PRKD3: variants seen among roughly 807,000 people sequenced by gnomAD.
The protein encoded by PRKD3 is serine/threonine-protein kinase D3.
In PRKD3, 47 loss-of-function variants were observed where a neutral mutation model predicts 99.2. The ratio of observed to expected loss-of-function variants is 0.47; its 90% CI spans 0.38 to 0.60. The LOEUF is 0.60. Ranked by LOEUF, PRKD3 falls within the 20% of genes least tolerant of loss-of-function variation. The probability of loss-of-function intolerance (pLI) is 0.00; values close to 1 mark genes in which losing one functional copy is unlikely to be tolerated. For synonymous variants in PRKD3, 392 were observed against 355.4 expected, an observed-to-expected ratio of 1.10 and a Z score of -1.16; for missense variants, 1,019 against 1,088.4, an observed-to-expected ratio of 0.94 and a Z score of 0.90.
chr2:37,291,718 C>G (rs1038790453), intron 3 of PRKD3, among the ~76,000 whole-genome samples: 2 of 152,022 alleles, frequency 1.3e-5, no homozygotes, highest in Admixed American at 6.5e-5. Context: ...ATGAGAGAAT[C>G]AGAAATATAA....
At chr2:37,277,361 G>C (rs955669863) in intron 9 of PRKD3, among the ~76,000 whole-genome samples, 1 of 152,088 alleles carries the variant, frequency 6.6e-6, no homozygotes, top group Non-Finnish European at 1.5e-5. Flanking sequence ...AGGCAGTCTA[G>C]CTCCAAAGTC....
chr2:37,282,428 A>G, intron 7 of PRKD3, 114 bp downstream of exon 7: 1 of 717,346 alleles, frequency 1.4e-6, no homozygotes, highest in Non-Finnish European at 2.4e-6. Context: ...AAATCAGAAG[A>G]AAATCTTTAA....
intron 14 of PRKD3, among the ~76,000 whole-genome samples, chr2:37,266,592 T>A (rs1668860269): frequency 6.6e-6 from 1 of 152,122 alleles, no homozygotes; most frequent in Non-Finnish European, 1.5e-5. Context: ...GTTCAAGCGA[T>A]TCTCCTGCCT....
intron 17 of PRKD3, among the ~76,000 whole-genome samples, chr2:37,255,969 G>A (rs1363698237): frequency 6.6e-6 from 1 of 152,090 alleles, no homozygotes; most frequent in Non-Finnish European, 1.5e-5. Context: ...AGCTGTGTTT[G>A]TGCACACTTC....
In PRKD3 at chr2:37,277,965, C is replaced by A. The variant is rs116096831; in HGVS notation, c.1197G>T (p.Pro399=). ...TGATGGATTGTACAACCCTCATTAG[C>A]GGAATATTATTGCTTGTTGATGGAC... The part of the protein sequence containing the change: ...TISPSTSNNI[P]LMRVVQSIKH... The change falls in exon 9 of 19, where the codon CCG becomes CCT. Residue 399 remains proline (P), a synonymous_variant. Coordinates refer to ENST00000234179, the MANE Select transcript of PRKD3 (RefSeq NM_005813.6). 63 of 1,607,068 alleles carry A rather than the reference C, an allele frequency of 3.9e-5. No homozygotes were observed. Among genetic ancestry groups the A allele is most frequent in the Non-Finnish European group, 5.0e-5 (59 of 1,175,666 alleles).
intron 1 of PRKD3, among the ~76,000 whole-genome samples, chr2:37,323,118 G>A (rs368470737): frequency 2.6e-5 from 4 of 151,380 alleles, no homozygotes; most frequent in Admixed American, 2.0e-4. Flanking sequence ...CTGTGTGTGT[G>A]GCAGTGTTTA....
At chr2:37,324,355 A>T (rs1439486262) in intron 1 of PRKD3, 2 of 375,150 alleles carry the variant, frequency 5.3e-6, no homozygotes, top group South Asian at 1.1e-4. Context: ...TCTCCAGCGG[A>T]GCGCGAACCC....
chr2:37,304,762 G>C (rs1251541022), intron 2 of PRKD3, among the ~76,000 whole-genome samples: 1 of 133,562 alleles, frequency 7.5e-6, no homozygotes, highest in Non-Finnish European at 1.6e-5. Flanking sequence ...AAAAAGAAAA[G>C]AAAAAAAAAA....
intron 5 of PRKD3, among the ~76,000 whole-genome samples, chr2:37,287,259 AAAAAAAAAG>A (rs1670154140): frequency 5.0e-5 from 7 of 139,358 alleles, no homozygotes; most frequent in African/African-American, 2.1e-4. Flanking sequence ...AAAAAAAAAA[AAAAAAAAAG>A]AAAAAGAAAA....
Position 37,272,422 on chromosome 2 carries a change from A to G in PRKD3, c.1662T>C (p.Ser554=), listed in dbSNP as rs1189123289. The G allele has an allele frequency of 1.2e-6, 2 of 1,605,618 alleles. No individual in the cohort carries two copies. Among genetic ancestry groups the G allele is most frequent in the African/African-American group, 2.7e-5 (2 of 74,314 alleles). ...PGQGKDHKDL[S]TSISVSNCQI... ...GACAATTAGATACAGAGATACTTGT[A>G]GACAAATCTTCTGTAAAATATAAAA... Residue 554 remains serine (S), a synonymous_variant, in exon 12 of 19, where the codon TCT becomes TCC. Transcript: ENST00000234179.
At chr2:37,258,854 C>G (rs1668182880) in intron 16 of PRKD3, among the ~76,000 whole-genome samples, 1 of 152,132 alleles carries the variant, frequency 6.6e-6, no homozygotes, top group Non-Finnish European at 1.5e-5. Context: ...TCTAAATGTA[C>G]ATGTTTCAAA....
At position 37,285,234 on chromosome 2, in the gene PRKD3, A is replaced by C. The variant is rs569977343; in HGVS notation, c.910+943T>G. ...ATTTTAGTTTTCACTCTACTGTGAA[A>C]AGTTTCTACTGTACAGCATTGCTGA... On this transcript the variant is annotated intron_variant, in intron 6 of 18. Coordinates refer to ENST00000234179, the MANE Select transcript of PRKD3 (RefSeq NM_005813.6). 1.4e-4 allele frequency among the ~76,000 whole-genome samples: 21 copies of C among 152,324 alleles called. No individual in the cohort carries two copies. In the South Asian group the frequency reaches 3.9e-3, roughly 29 times the overall value.
intron 2 of PRKD3, among the ~76,000 whole-genome samples, chr2:37,309,560 T>C (rs1045368646): frequency 2.6e-5 from 4 of 152,068 alleles, no homozygotes; most frequent in Non-Finnish European, 5.9e-5. Context: ...TAAAGAAGCA[T>C]ATTTGGCCAA....
Position 37,256,936 on chromosome 2 carries a change from A to G in PRKD3, c.2146-7T>C. On this transcript the variant is annotated splice_polypyrimidine_tract_variant and splice_region_variant and intron_variant, in intron 16 of 18. Transcript: ENST00000234179. ...CAAAGTCACACAGCTTCACCTGGAAATTGAAGGATGATGTTAATTTTGTAT... is the reference window on the plus strand; with the variant it reads ...CAAAGTCACACAGCTTCACCTGGAAGTTGAAGGATGATGTTAATTTTGTAT... The G allele has an allele frequency of 6.2e-7, 1 of 1,613,842 alleles. No homozygotes were observed. Among genetic ancestry groups the G allele is most frequent in the African/African-American group, 1.3e-5 (1 of 75,042 alleles).
chr2:37,286,620 G>A (rs10181140), intron 5 of PRKD3, among the ~76,000 whole-genome samples: 2 of 152,130 alleles, frequency 1.3e-5, no homozygotes, highest in Non-Finnish European at 2.9e-5. Flanking sequence ...ATTCACTGAT[G>A]ATTATTTGCC....
intron 1 of PRKD3, chr2:37,317,942 T>C (rs1251364162): frequency 6.6e-6 from 1 of 150,566 alleles, no homozygotes; most frequent in African/African-American, 2.5e-5. Context: ...TAAATATGTA[T>C]CATAATTTCT....
rs144779901 is a variant in PRKD3 at position 37,271,342 on chromosome 2, C to G, written c.1704+1038G>C. Among the ~76,000 whole-genome samples the G allele has an allele frequency of 1.9e-3, 292 of 152,172 alleles. 2 individuals carry two copies. Among genetic ancestry groups the G allele is most frequent in the African/African-American group, 6.9e-3 (287 of 41,508 alleles). On this transcript the variant is annotated intron_variant, in intron 12 of 18. Transcript: ENST00000234179. Reference sequence around the variant, plus strand: ...ATGGTCTTTAAATGACTGGACAAATCAAAATAATATTCTGTGACATGTAAA... The same window carrying G: ...ATGGTCTTTAAATGACTGGACAAATGAAAATAATATTCTGTGACATGTAAA...
intron 2 of PRKD3, among the ~76,000 whole-genome samples, chr2:37,308,023 T>C (rs1033649396): frequency 6.6e-6 from 1 of 152,224 alleles, no homozygotes; most frequent in Admixed American, 6.5e-5. Flanking sequence ...AATTTCATTT[T>C]CCCCCAACTT....
intron 2 of PRKD3, among the ~76,000 whole-genome samples, chr2:37,295,074 G>C (rs971584655): frequency 6.6e-6 from 1 of 152,134 alleles, no homozygotes; most frequent in Middle Eastern, 3.4e-3. Flanking sequence ...ATGAGGCTCC[G>C]TCACAAACAA....
Sources: gnomAD v4.1 joint callset for allele counts (sites outside exome capture counted in the v4.1 genomes callset) on GRCh38, gnomAD v4.1.1 for gene constraint, MANE v1.5 for transcripts, NCBI Gene and HGNC (gene_info 2026-07-23, HGNC 2026-07-21) for gene names.